Variants in ATP2B3 observed in about 807,000 individuals in gnomAD.
ATP2B3 encodes plasma membrane calcium-transporting ATPase 3.
Under a neutral mutation model 70.8 loss-of-function variants are expected in ATP2B3, and 12 were observed. That is an observed-to-expected ratio of 0.17 (90% confidence interval 0.11 to 0.27). The LOEUF is 0.27. Among genes scored for constraint, ATP2B3 ranks in the 10% least tolerant of loss-of-function variants. ATP2B3 has a pLI of 1.00. For synonymous variants in ATP2B3, 460 were observed against 497.8 expected (o/e 0.92, Z 1.01); for missense variants, 858 against 1,118.5 (o/e 0.77, Z 3.32).
intron 21 of ATP2B3, chrX:153,569,470 G>A (rs935451514): frequency 2.7e-5 from 20 of 753,669 alleles, no homozygotes; most frequent in Non-Finnish European, 3.8e-5. Flanking sequence ...CTCCCAGTGA[G>A]CGGGGTGACC....
chrX:153,542,515 G>A, intron 6 of ATP2B3, 67 bp downstream of exon 6: 1 of 1,163,256 alleles, frequency 8.6e-7, no homozygotes, highest in Admixed American at 2.3e-5. Context: ...CCAGCATCCT[G>A]TCCAGGCTGC....
At chrX:153,554,750 C>G (rs1557012921) in intron 13 of ATP2B3, among the ~76,000 whole-genome samples, 2 of 112,693 alleles carry the variant, frequency 1.8e-5, no homozygotes, top group African/African-American at 6.5e-5. Context: ...GATGCTGGAG[C>G]TGGGCCGGCC....
intron 20 of ATP2B3, among the ~76,000 whole-genome samples, 155 bp from the exon 21 acceptor site, chrX:153,564,766 G>A (rs985612640): frequency 8.8e-6 from 1 of 113,331 alleles, no homozygotes; most frequent in Admixed American, 9.2e-5. Context: ...AGTTCCCGGG[G>A]GGACTGCTCT....
intron 2 of ATP2B3, among the ~76,000 whole-genome samples, chrX:153,535,577 A>G (rs1251560722): frequency 1.0e-4 from 11 of 104,908 alleles, no homozygotes; most frequent in African/African-American, 3.9e-4. Flanking sequence ...CTGGCCCCCC[A>G]GGTACTCTCA....
intron 20 of ATP2B3, among the ~76,000 whole-genome samples, chrX:153,564,381 T>A (rs1288353909): frequency 8.9e-6 from 1 of 112,681 alleles, no homozygotes; most frequent in Non-Finnish European, 1.9e-5. Context: ...CTGGCCTCCA[T>A]CTCCAGCCCT....
rs782432226 is a variant in ATP2B3, at chrX:153,556,355, G to T, written c.2263G>T (p.Val755Leu). ...GATAGAACAGGAGCGGCTGGACAAG[G>T]TGTGGCCCAAGCTGAGGGTGCTGGC... ...GEIEQERLDK[V>L]WPKLRVLARS... The change falls in exon 15 of 22, where the codon GTG (valine) becomes TTG (leucine). Residue 755 changes from valine (V) to leucine (L), a missense_variant. Coordinates refer to ENST00000263519, the MANE Select transcript of ATP2B3 (RefSeq NM_001001344.3). 3 of 1,208,275 alleles carry T rather than the reference G, an allele frequency of 2.5e-6. No homozygotes were observed. In the South Asian group the frequency reaches 5.3e-5, roughly 22 times the overall value.
intron 21 of ATP2B3, chrX:153,569,823 G>A: frequency 3.5e-6 from 4 of 1,137,346 alleles, no homozygotes; most frequent in Non-Finnish European, 4.8e-6. Context: ...TCCCCAGCTC[G>A]GCCTTCTCTC....
chrX:153,579,301 C>T (rs782465317), intron 21 of ATP2B3, among the ~76,000 whole-genome samples: 1 of 112,609 alleles, frequency 8.9e-6, no homozygotes, highest in African/African-American at 3.2e-5. Flanking sequence ...TCAAATCAGA[C>T]GAAGATGCAG....
At chrX:153,552,192 G>A (rs1210481493) in intron 12 of ATP2B3, among the ~76,000 whole-genome samples, 1 of 112,561 alleles carries the variant, frequency 8.9e-6, no homozygotes, top group Non-Finnish European at 1.9e-5. Flanking sequence ...GCCCAGCCCA[G>A]CTTCACTCCC....
At position 153,564,913 on chromosome X, in the gene ATP2B3, T is replaced by TC; in HGVS notation, c.3160-3dup. 4 of 1,172,258 alleles carry TC rather than the reference T, an allele frequency of 3.4e-6. No homozygotes were observed. The highest frequency in any genetic ancestry group is 3.4e-6 in the Non-Finnish European group (3 of 873,794). ...GCTCTCACGGCCACTTCCGTGTGGC[T>TC]CCCCCAGGTCATTGCCACCATCCCC... is the stretch of plus-strand genomic sequence containing the variant. On this transcript the variant is annotated splice_polypyrimidine_tract_variant and splice_region_variant and intron_variant, in intron 20 of 21. Transcript: ENST00000263519.
intron 2 of ATP2B3, among the ~76,000 whole-genome samples, chrX:153,533,647 G>A (rs1344137345): frequency 9.0e-6 from 1 of 111,563 alleles, no homozygotes; most frequent in Non-Finnish European, 1.9e-5. Context: ...GAGGGGTGGG[G>A]ATCCTGCAGT....
intron 13 of ATP2B3, among the ~76,000 whole-genome samples, chrX:153,555,241 C>G (rs782706129): frequency 1.7e-4 from 19 of 110,850 alleles, no homozygotes; most frequent in Non-Finnish European, 2.8e-4. Context: ...TCAGGGGGCG[C>G]CAGGATTCAG....
rs1569534401 is a variant in ATP2B3 at position 153,547,905 on chromosome X, G to A, written c.1029G>A (p.Glu343=). ...AGAGCGCGGAGGGTGGGGAGATGGA[G>A]GAGCGGGAGAAGAAGAAAGCCAACG... ...PLKSAEGGEM[E]EREKKKANAP... is the part of the protein sequence containing the mutation. Residue 343 remains glutamate (E), a synonymous_variant, in exon 9 of 22, where the codon GAG becomes GAA. Coordinates refer to ENST00000263519, the MANE Select transcript of ATP2B3 (RefSeq NM_001001344.3). The A allele has an allele frequency of 1.7e-6, 2 of 1,209,916 alleles. No homozygotes were observed. Among genetic ancestry groups the A allele is most frequent in the Non-Finnish European group, 2.2e-6 (2 of 894,947 alleles).
At chrX:153,569,209 A>G in intron 21 of ATP2B3, 1 of 411,804 alleles carries the variant, frequency 2.4e-6, no homozygotes, top group Non-Finnish European at 4.6e-6. Flanking sequence ...TAGAGGAAGC[A>G]GGGCGGGTTC....
chrX:153,524,798 G>A (rs910360046), intron 2 of ATP2B3, among the ~76,000 whole-genome samples: 2 of 111,614 alleles, frequency 1.8e-5, no homozygotes, highest in African/African-American at 6.5e-5. Flanking sequence ...CCCCACCTCA[G>A]CAATCCTAAA....
intron 6 of ATP2B3, 62 bp from the exon 7 acceptor site, chrX:153,542,981 C>T: frequency 5.1e-6 from 6 of 1,170,833 alleles, no homozygotes; most frequent in Non-Finnish European, 6.9e-6. Context: ...GTTGTGGGCG[C>T]TGAATGTGTC....
intron 17 of ATP2B3, 34 bp from the exon 18 acceptor site, chrX:153,559,695 G>A (rs1469936958): frequency 3.4e-6 from 4 of 1,180,484 alleles, no homozygotes; most frequent in Non-Finnish European, 3.4e-6. Context: ...CCGGGCAGGC[G>A]GCCCATGGAA....
At chrX:153,529,637 CT>C (rs1557001143) in intron 2 of ATP2B3, among the ~76,000 whole-genome samples, 1 of 112,190 alleles carries the variant, frequency 8.9e-6, no homozygotes, top group Non-Finnish European at 1.9e-5. Context: ...ATTCATGGTG[CT>C]GTGCAGCCAT....
At chrX:153,518,277 C>G (rs781825856) in intron 1 of ATP2B3, among the ~76,000 whole-genome samples, 155 bp from the exon 2 acceptor site, 1 of 112,667 alleles carries the variant, frequency 8.9e-6, no homozygotes, top group South Asian at 3.6e-4. Context: ...CCCCTCCCCC[C>G]CGCGCCCTCA....
Sources: allele counts gnomAD v4.1 joint callset (sites outside exome capture counted in the v4.1 genomes callset), GRCh38; gene constraint gnomAD v4.1.1; transcripts MANE v1.5; gene names NCBI Gene and HGNC (gene_info 2026-07-23, HGNC 2026-07-21).